MED27: variants seen among roughly 807,000 people sequenced by gnomAD.
MED27 encodes the protein mediator of RNA polymerase II transcription subunit 27.
MED27 carries 30 observed loss-of-function variants against 38.2 expected under a neutral mutation model. The observed-to-expected ratio is 0.79, with a 90% CI of 0.59 to 1.07. The LOEUF is 1.07. Among genes scored for constraint, MED27 ranks in the 50% least tolerant of loss-of-function variants. The pLI is 0.00. For missense variants in MED27, 289 were observed against 397.5 expected (o/e 0.73, Z 2.32); for synonymous variants, 122 against 153.5 (o/e 0.79, Z 1.52).
At chr9:131,981,176 T>C (rs1831727469) in intron 3 of MED27, among the ~76,000 whole-genome samples, 1 of 152,252 alleles carries the variant, frequency 6.6e-6, no homozygotes, top group African/African-American at 2.4e-5. Context: ...ATTTTGTGAC[T>C]ATATGAAACT....
Position 131,921,856 on chromosome 9 carries a change from G to A in MED27, c.573+17525C>T, listed in dbSNP as rs557658272. 1.3e-3 allele frequency among the ~76,000 whole-genome samples: 197 copies of A among 152,298 alleles called. 2 individuals carry two copies. The highest frequency in any genetic ancestry group is 4.4e-3 in the African/African-American group (184 of 41,568). ...ACTATGCAGCCATAAAAAAGGATGA[G>A]TTTCATGTCCTTTGTAGGGACATGG... is the stretch of plus-strand genomic sequence containing the variant. On this transcript the variant is annotated intron_variant, in intron 4 of 7. Coordinates refer to ENST00000292035, the MANE Select transcript of MED27 (RefSeq NM_004269.4).
At chr9:131,966,371 C>G in intron 3 of MED27, among the ~76,000 whole-genome samples, 1 of 16,642 alleles carries the variant, frequency 6.0e-5, no homozygotes, top group African/African-American at 3.4e-4. Context: ...GCAAAAGAGC[C>G]AGACCCTGTC....
At chr9:132,037,997 T>C (rs990326870) in intron 2 of MED27, among the ~76,000 whole-genome samples, 2 of 151,716 alleles carry the variant, frequency 1.3e-5, no homozygotes, top group Admixed American at 6.6e-5. Flanking sequence ...ACGCAACCAA[T>C]ATGCAAGGAA....
chr9:132,015,449 C>A (rs1231205308), intron 2 of MED27, among the ~76,000 whole-genome samples: 2 of 152,170 alleles, frequency 1.3e-5, no homozygotes, highest in Non-Finnish European at 2.9e-5. Flanking sequence ...TGATACTGCC[C>A]AGTTCTAAAC....
At chr9:131,906,611 C>T (rs901641042) in intron 4 of MED27, among the ~76,000 whole-genome samples, 2 of 152,168 alleles carry the variant, frequency 1.3e-5, no homozygotes, top group African/African-American at 4.8e-5. Context: ...ACCTTCCTGG[C>T]TGCTTTGTGG....
chr9:131,990,285 A>G (rs543106193), intron 3 of MED27, among the ~76,000 whole-genome samples: 1 of 152,266 alleles, frequency 6.6e-6, no homozygotes, highest in South Asian at 2.1e-4. Flanking sequence ...ATCTCCATCA[A>G]TTTAGTGATG....
At chr9:131,966,199 T>TAAAAAAAAA (rs201789144) in intron 3 of MED27, among the ~76,000 whole-genome samples, 2 of 96,370 alleles carry the variant, frequency 2.1e-5, no homozygotes, top group Non-Finnish European at 4.1e-5. Flanking sequence ...CCTGTTTCTT[T>TAAAAAAAAA]AAAAAAAAAA....
intron 1 of MED27, among the ~76,000 whole-genome samples, chr9:132,078,299 CCTT>C (rs1397500508): frequency 3.9e-5 from 6 of 152,052 alleles, no homozygotes. Flanking sequence ...TCATCAGCCA[CCTT>C]CTTCTTGGCA....
chr9:131,992,925 T>G (rs1832008486), intron 3 of MED27, among the ~76,000 whole-genome samples: 1 of 152,174 alleles, frequency 6.6e-6, no homozygotes, highest in African/African-American at 2.4e-5. Context: ...AACACGGTAC[T>G]CTCATTCCAT....
At chr9:131,900,483 G>C (rs907886890) in intron 4 of MED27, among the ~76,000 whole-genome samples, 1 of 152,234 alleles carries the variant, frequency 6.6e-6, no homozygotes, top group African/African-American at 2.4e-5. Flanking sequence ...TCTACTGCCT[G>C]ACCATGTGAG....
chr9:131,938,230 A>G (rs1448286667), intron 4 of MED27, among the ~76,000 whole-genome samples: 1 of 152,226 alleles, frequency 6.6e-6, no homozygotes, highest in Non-Finnish European at 1.5e-5. Flanking sequence ...AAGATTTCAC[A>G]CAAGTAAAAT....
intron 2 of MED27, among the ~76,000 whole-genome samples, chr9:132,028,262 G>T (rs908255384): frequency 6.6e-6 from 1 of 152,158 alleles, no homozygotes; most frequent in Non-Finnish European, 1.5e-5. Flanking sequence ...CCGCCTAAAG[G>T]AGCTGGGGGT....
intron 4 of MED27, among the ~76,000 whole-genome samples, chr9:131,934,809 CT>C (rs1830652276): frequency 6.6e-6 from 1 of 152,170 alleles, no homozygotes; most frequent in Non-Finnish European, 1.5e-5. Context: ...TGGAAACAAT[CT>C]TGGTGTCCAT....
At chr9:131,955,468 G>A (rs1212504164) in intron 3 of MED27, among the ~76,000 whole-genome samples, 1 of 152,086 alleles carries the variant, frequency 6.6e-6, no homozygotes. Context: ...AAAACCAAGA[G>A]CAGGTTATGG....
At chr9:132,066,007 A>C (rs1032427212) in intron 2 of MED27, among the ~76,000 whole-genome samples, 1 of 152,226 alleles carries the variant, frequency 6.6e-6, no homozygotes, top group African/African-American at 2.4e-5. Flanking sequence ...GTCCCCTAAC[A>C]GTCAAAGGAA....
intron 5 of MED27, among the ~76,000 whole-genome samples, chr9:131,890,870 G>A (rs1390193817): frequency 6.6e-6 from 1 of 152,214 alleles, no homozygotes; most frequent in Admixed American, 6.5e-5. Context: ...AGCCACCGTG[G>A]GCAAAGTTCG....
rs151217355 is a variant in MED27 at position 131,984,467 on chromosome 9, A to G, written c.479+29870T>C. On this transcript the variant is annotated intron_variant, in intron 3 of 7. Transcript: ENST00000292035. Reference sequence around the variant, plus strand: ...CACTGGGGTTACAGCAGTCACCAGAACAAACAGGGTCCCTCCTTCACAGGG... The same window carrying G: ...CACTGGGGTTACAGCAGTCACCAGAGCAAACAGGGTCCCTCCTTCACAGGG... 2.0e-5 allele frequency among the ~76,000 whole-genome samples: 3 copies of G among 152,304 alleles called. No homozygotes were observed. In the East Asian group the frequency reaches 5.8e-4, roughly 29 times the overall value.
intron 4 of MED27, among the ~76,000 whole-genome samples, chr9:131,930,166 GA>G (rs1355378092): frequency 6.6e-6 from 1 of 152,176 alleles, no homozygotes; most frequent in Non-Finnish European, 1.5e-5. Flanking sequence ...AGGAGGTAGA[GA>G]AAAAAGACGG....
chr9:132,021,663 T>C (rs1340980187), intron 2 of MED27, among the ~76,000 whole-genome samples: 3 of 152,196 alleles, frequency 2.0e-5, no homozygotes, highest in Non-Finnish European at 4.4e-5. Flanking sequence ...TTGAACGTTT[T>C]TGTCTCCCCA....
Sources: gnomAD v4.1 joint callset for allele counts (sites outside exome capture counted in the v4.1 genomes callset) on GRCh38, gnomAD v4.1.1 for gene constraint, MANE v1.5 for transcripts, NCBI Gene and HGNC (gene_info 2026-07-23, HGNC 2026-07-21) for gene names.